Variants in ZNF385D observed in about 807,000 individuals in gnomAD.
ZNF385D encodes zinc finger protein 385D.
ZNF385D carries 15 observed loss-of-function variants against 35.8 expected under a neutral mutation model. The ratio of observed to expected loss-of-function variants is 0.42; its 90% confidence interval spans 0.28 to 0.64. The LOEUF is 0.64. ZNF385D is among the 30% of genes least tolerant of loss of function. The probability of loss-of-function intolerance (pLI) is 0.23; values close to 1 mark genes in which losing one functional copy is unlikely to be tolerated. For missense variants in ZNF385D, 474 were observed against 494.6 expected (o/e 0.96, Z 0.39); for synonymous variants, 212 against 186.8 (o/e 1.13, Z -1.10).
intron 2 of ZNF385D, among the ~76,000 whole-genome samples, chr3:22,260,853 C>T (rs904297725): frequency 4.6e-5 from 7 of 151,890 alleles, no homozygotes; most frequent in Admixed American, 2.0e-4. Context: ...TCTGAAGAAA[C>T]GTGTTTTTAT....
intron 2 of ZNF385D, among the ~76,000 whole-genome samples, chr3:22,257,911 C>A (rs995760941): frequency 6.6e-6 from 1 of 151,794 alleles, no homozygotes; most frequent in African/African-American, 2.4e-5. Context: ...GTTACCAATG[C>A]TACAAAATAT....
chr3:21,896,280 TC>T (rs1699130586), intron 3 of ZNF385D, among the ~76,000 whole-genome samples: 1 of 152,212 alleles, frequency 6.6e-6, no homozygotes. Context: ...ACCTTTGGGA[TC>T]TTTGATGCTT....
At chr3:21,953,371 A>G (rs485569) in intron 3 of ZNF385D, among the ~76,000 whole-genome samples, 39,634 of 151,662 alleles carry the variant, frequency 0.26, 5,905 homozygotes, top group Admixed American at 0.41. Context: ...GGATCTTTGA[A>G]TTCCATTCTG....
chr3:21,673,704 T>G (rs1312402800), intron 1 of ZNF385D, among the ~76,000 whole-genome samples: 1 of 152,098 alleles, frequency 6.6e-6, no homozygotes, highest in Non-Finnish European at 1.5e-5. Context: ...AGTTAATGAT[T>G]AAGTAAACAC....
intron 2 of ZNF385D, among the ~76,000 whole-genome samples, chr3:22,252,881 G>A (rs1244390910): frequency 6.6e-6 from 1 of 152,128 alleles, no homozygotes; most frequent in African/African-American, 2.4e-5. Context: ...GGCGAAGACT[G>A]TAAAAATGTT....
chr3:21,523,714 T>C (rs1009575392), intron 3 of ZNF385D, among the ~76,000 whole-genome samples: 8 of 152,132 alleles, frequency 5.3e-5, no homozygotes, highest in Admixed American at 3.3e-4. Context: ...TGCACAAAGT[T>C]TGTAGGTTCA....
In ZNF385D at chr3:21,602,517, C is replaced by CTTTTTTTTTTTTTTTTTTTTTTT. The variant is rs746138066; in HGVS notation, c.166-37856_166-37834dup. On this transcript the variant is annotated intron_variant, in intron 2 of 7. Transcript: ENST00000281523. ...TAGGTCTCCTGTTTCCCTGCATTTT[C>CTTTTTTTTTTTTTTTTTTTTTTT]TTTTTTTTTTTTTTTTTTTTTTTTT... is the stretch of plus-strand genomic sequence containing the variant. Among the ~76,000 whole-genome samples, 47 of 62,708 alleles carry CTTTTTTTTTTTTTTTTTTTTTTT rather than the reference C, an allele frequency of 7.5e-4. 8 individuals are homozygous for CTTTTTTTTTTTTTTTTTTTTTTT. Among genetic ancestry groups the CTTTTTTTTTTTTTTTTTTTTTTT allele is most frequent in the African/African-American group, 9.1e-4 (12 of 13,242 alleles). The allele number at this position is 62,708 out of a possible 152,430, so 41.1% of individuals were successfully genotyped here. A position where few individuals can be genotyped will look rare whatever the true frequency, so the allele number is the denominator to read the frequency against.
intron 2 of ZNF385D, among the ~76,000 whole-genome samples, chr3:22,272,876 A>C (rs1701247084): frequency 6.6e-6 from 1 of 151,972 alleles, no homozygotes; most frequent in Admixed American, 6.6e-5. Context: ...ATAGTTTCTC[A>C]ATATTTTACT....
intron 3 of ZNF385D, among the ~76,000 whole-genome samples, chr3:22,080,553 A>C (rs939863213): frequency 6.6e-6 from 1 of 152,048 alleles, no homozygotes; most frequent in South Asian, 2.1e-4. Flanking sequence ...ACTCTTATAC[A>C]TATATGGTTG....
At chr3:21,667,424 A>C (rs2125270653) in intron 1 of ZNF385D, among the ~76,000 whole-genome samples, 1 of 152,254 alleles carries the variant, frequency 6.6e-6, no homozygotes, top group African/African-American at 2.4e-5. Flanking sequence ...GGCCTCCCAA[A>C]GTGCTGGGAT....
intron 2 of ZNF385D, among the ~76,000 whole-genome samples, chr3:22,359,377 T>C (rs1696310615): frequency 1.3e-5 from 2 of 151,874 alleles, no homozygotes; most frequent in South Asian, 4.1e-4. Context: ...TTTAAAAAGT[T>C]TGCATTTTTG....
intron 2 of ZNF385D, among the ~76,000 whole-genome samples, chr3:22,345,155 C>A (rs974904671): frequency 5.3e-5 from 8 of 152,048 alleles, no homozygotes; most frequent in African/African-American, 1.9e-4. Context: ...ATAATGCAAA[C>A]CATACTAATA....
In ZNF385D at chr3:21,637,808, ACT is replaced by A. The variant is rs1392870008; in HGVS notation, c.165+27076_165+27077del. 1.4e-4 allele frequency among the ~76,000 whole-genome samples: 22 copies of A among 152,198 alleles called. No homozygotes were observed. In the East Asian group the frequency reaches 2.5e-3, roughly 17 times the overall value. On this transcript the variant is annotated intron_variant, in intron 2 of 7. Transcript: ENST00000281523. ...AATTTTAAATGAACTTAAATGAGTA[ACT>A]CTCAGGAAAATTGCTTCTTTGTTAA...
At chr3:21,961,319 T>C (rs1391646025) in intron 3 of ZNF385D, 1 of 152,168 alleles carries the variant, frequency 6.6e-6, no homozygotes, top group Non-Finnish European at 1.5e-5. Flanking sequence ...GAATTTTCTT[T>C]CCTGTCATCA....
In ZNF385D at chr3:21,828,096, T is replaced by C. The variant is rs73144839; in HGVS notation, c.326-163068A>G. ...TATGGGAATATTATGTCTGTAAGCA[T>C]AAATATAAACCATGAATTAACAAAA... On this transcript the variant is annotated intron_variant, in intron 3 of 5. Coordinates refer to the ZNF385D transcript ENST00000494108. 2.9e-3 allele frequency among the ~76,000 whole-genome samples: 439 copies of C among 152,294 alleles called. 5 individuals are homozygous for C. The highest frequency in any genetic ancestry group is 9.9e-3 in the African/African-American group (410 of 41,576).
At chr3:21,869,784 T>G (rs1176301118) in intron 3 of ZNF385D, among the ~76,000 whole-genome samples, 1 of 152,128 alleles carries the variant, frequency 6.6e-6, no homozygotes, top group Non-Finnish European at 1.5e-5. Context: ...GACAGAAAAT[T>G]AAGCCTGGAG....
chr3:22,343,279 C>A (rs1469767417), intron 2 of ZNF385D, among the ~76,000 whole-genome samples: 1 of 152,180 alleles, frequency 6.6e-6, no homozygotes, highest in Non-Finnish European at 1.5e-5. Context: ...AACAAAACAA[C>A]CCAGCAATGA....
intron 2 of ZNF385D, among the ~76,000 whole-genome samples, chr3:22,271,272 G>C (rs925459129): frequency 6.6e-6 from 1 of 151,938 alleles, no homozygotes; most frequent in East Asian, 1.9e-4. Context: ...GAGGACAGGA[G>C]TAAAGAAAAG....
intron 3 of ZNF385D, among the ~76,000 whole-genome samples, chr3:21,834,015 T>C (rs183633723): frequency 1.0e-3 from 155 of 152,306 alleles, no homozygotes; most frequent in African/African-American, 3.6e-3. Context: ...TTTATGGTGA[T>C]AACTAAATTA....
Sources: allele counts gnomAD v4.1 joint callset (sites outside exome capture counted in the v4.1 genomes callset), GRCh38; gene constraint gnomAD v4.1.1; transcripts MANE v1.5; gene names NCBI Gene and HGNC (gene_info 2026-07-23, HGNC 2026-07-21).